TRAPPC10: variants seen among roughly 807,000 people sequenced by gnomAD.
TRAPPC10 encodes the protein trafficking protein particle complex subunit 10, also known as TRAPP 130 kDa subunit.
A neutral mutation model predicts 125.5 loss-of-function variants in TRAPPC10; 23 were observed. The observed-to-expected ratio is 0.18, with a 90% CI of 0.13 to 0.26. The LOEUF is 0.26. TRAPPC10 is among the 10% of genes least tolerant of loss of function. TRAPPC10 has a pLI of 1.00. For synonymous variants in TRAPPC10, 509 were observed against 518.0 expected (o/e 0.98, Z 0.24); for missense variants, 1,123 against 1,308.4 (o/e 0.86, Z 2.19).
intron 3 of TRAPPC10, among the ~76,000 whole-genome samples, chr21:44,041,570 C>T (rs950426450): frequency 1.3e-5 from 2 of 151,722 alleles, no homozygotes; most frequent in Non-Finnish European, 2.9e-5. Context: ...CGGGGTTTCT[C>T]CATGTTGGTC....
intron 6 of TRAPPC10, among the ~76,000 whole-genome samples, chr21:44,061,558 C>T (rs1847035338): frequency 6.6e-6 from 1 of 152,204 alleles, no homozygotes; most frequent in Admixed American, 6.5e-5. Flanking sequence ...TGAGCCACCG[C>T]ACCTGGCCTG....
At chr21:44,091,299 G>A (rs572213566) in intron 18 of TRAPPC10, among the ~76,000 whole-genome samples, 1 of 152,324 alleles carries the variant, frequency 6.6e-6, no homozygotes, top group East Asian at 1.9e-4. Flanking sequence ...GTAATGAGGA[G>A]GGCTGCTGCT....
At position 44,082,847 on chromosome 21, in the gene TRAPPC10, C is replaced by T; in HGVS notation, c.1783C>T (p.Pro595Ser). 1.2e-6 allele frequency: 2 copies of T among 1,614,116 alleles called. 1 individual carries two copies. The highest frequency in any genetic ancestry group is 2.2e-5 in the South Asian group (2 of 91,068). The change falls in exon 14 of 23, where the codon CCC becomes TCC. Residue 595 changes from proline to serine, a missense_variant. Around this residue, in one of 4 missense-constraint regions of TRAPPC10, gnomAD observed 840 missense variants for 902.0 expected, o/e 0.93. Coordinates refer to ENST00000291574, the MANE Select transcript of TRAPPC10 (RefSeq NM_003274.5). This position sits in a 1 kb window ranked among gnomAD's most constrained non-coding sequence, Gnocchi z 4.4. The part of the protein sequence containing the change: ...FAQLRDLHFD[P>S]SNAVVHVGGV... ...ACAACTGCGAGATCTCCATTTTGAT[C>T]CCTCCAATGCCGTGGTCCACGTGGG...
chr21:44,045,911 G>A (rs1246217252), intron 3 of TRAPPC10, among the ~76,000 whole-genome samples: 1 of 151,806 alleles, frequency 6.6e-6, no homozygotes, highest in Non-Finnish European at 1.5e-5. Flanking sequence ...ATGCTTTGGT[G>A]TAGATTTCTT....
intron 3 of TRAPPC10, among the ~76,000 whole-genome samples, chr21:44,047,565 T>TGTGTGTGTGTGCGC (rs954810521): frequency 2.3e-4 from 34 of 147,200 alleles, no homozygotes; most frequent in African/African-American, 8.3e-4. Flanking sequence ...TGTGTGTGTG[T>TGTGTGTGTGTGCGC]GCGCGCACAC....
chr21:44,035,341 G>T (rs774612066), intron 2 of TRAPPC10, among the ~76,000 whole-genome samples: 2 of 152,138 alleles, frequency 1.3e-5, no homozygotes. Context: ...AACTGTGAGC[G>T]CAATAACCTT....
At chr21:44,088,249 C>T (rs1394925637) in intron 17 of TRAPPC10, 9 of 359,946 alleles carry the variant, frequency 2.5e-5, no homozygotes, top group Non-Finnish European at 4.7e-5. Context: ...GGTGACGAGG[C>T]CAGAGGAGGT....
In TRAPPC10 at chr21:44,052,190, G is replaced by A. The variant is rs1015072299; in HGVS notation, c.286-90G>A. On this transcript the variant is annotated intron_variant, in intron 3 of 22. Coordinates refer to ENST00000291574, the MANE Select transcript of TRAPPC10 (RefSeq NM_003274.5). The stretch of plus-strand genomic sequence containing the variant: ...CTGTCCTGATGCTTTAAAACATTGC[G>A]GCCTTTGCAGGCTGTTATTAGGCAC... The A allele has an allele frequency of 1.0e-5, 11 of 1,102,624 alleles. No homozygotes were observed. The Middle Eastern group carries it at 1.0e-3, about 104-fold the overall frequency. The allele number at this position is 1,102,624 out of a possible 1,614,324, so 68.3% of individuals were successfully genotyped here.
chr21:44,062,877 T>G (rs1205493327), intron 6 of TRAPPC10: 1 of 985,336 alleles, frequency 1.0e-6, no homozygotes, highest in African/African-American at 1.7e-5. Context: ...TTCAAAGATT[T>G]TTTTCAATAA....
intron 3 of TRAPPC10, among the ~76,000 whole-genome samples, chr21:44,044,292 T>TC (rs397789678): frequency 2.0e-5 from 3 of 150,002 alleles, no homozygotes; most frequent in East Asian, 1.9e-4. Context: ...GAGACTTTTT[T>TC]CCTTAAAATT....
At chr21:44,090,447 C>T (rs2038496457) in intron 18 of TRAPPC10, among the ~76,000 whole-genome samples, 1 of 152,196 alleles carries the variant, frequency 6.6e-6, no homozygotes, top group South Asian at 2.1e-4. Flanking sequence ...AGCAGCACCC[C>T]AGGCTCTCCC....
At chr21:44,084,595 C>A (rs1257123091) in intron 15 of TRAPPC10, among the ~76,000 whole-genome samples, 2 of 152,130 alleles carry the variant, frequency 1.3e-5, no homozygotes, top group Non-Finnish European at 2.9e-5. Context: ...CAGAGGACTT[C>A]TGGGCCCAAA....
At chr21:44,031,444 A>G (rs1367499283) in intron 1 of TRAPPC10, among the ~76,000 whole-genome samples, 1 of 152,258 alleles carries the variant, frequency 6.6e-6, no homozygotes, top group Non-Finnish European at 1.5e-5. Context: ...CGTGCAGCGT[A>G]AAGTCGGCCG....
In TRAPPC10 at chr21:44,087,931, G is replaced by T; in HGVS notation, c.2769+3G>T. 6.2e-7 allele frequency: 1 copy of T among 1,610,484 alleles called. No homozygotes were observed. The highest frequency in any genetic ancestry group is 2.2e-5 in the East Asian group (1 of 44,738). On this transcript the variant is annotated splice_donor_region_variant and intron_variant, in intron 17 of 22. Coordinates refer to ENST00000291574, the MANE Select transcript of TRAPPC10 (RefSeq NM_003274.5). This position sits in a 1 kb window ranked among gnomAD's most constrained non-coding sequence, Gnocchi z 4.6. ...GCATGGTTACCACAGACCACAAAGTGAGTAGGGACAGTGGAGGAGCTTAGC... is the reference window on the plus strand; with the variant it reads ...GCATGGTTACCACAGACCACAAAGTTAGTAGGGACAGTGGAGGAGCTTAGC...
chr21:44,017,988 G>A (rs1406959614), intron 1 of TRAPPC10, among the ~76,000 whole-genome samples: 1 of 152,098 alleles, frequency 6.6e-6, no homozygotes. Context: ...TGCTGTTAGT[G>A]TTATTAGCCC....
At chr21:44,072,768 C>G (rs1056216363) in intron 7 of TRAPPC10, among the ~76,000 whole-genome samples, 3 of 152,050 alleles carry the variant, frequency 2.0e-5, no homozygotes, top group African/African-American at 7.2e-5. Context: ...CCGGCCTCTC[C>G]TAGGAGGTCT....
rs374596223 is a variant in TRAPPC10, at chr21:44,050,449, G to C, written c.286-1831G>C. Among the ~76,000 whole-genome samples, 35 of 152,328 alleles carry C rather than the reference G, an allele frequency of 2.3e-4. 1 individual carries two copies. The East Asian group carries it at 4.1e-3, about 18-fold the overall frequency. ...AAGGGCTCTTGGTGGCCTTGTAAGA[G>C]GTGGAGAGGCTTCCAGCAGCTCCTT... On this transcript the variant is annotated intron_variant, in intron 3 of 22. Transcript: ENST00000291574.
chr21:44,089,405 T>G, intron 17 of TRAPPC10: 11 of 382,262 alleles, frequency 2.9e-5, no homozygotes, highest in South Asian at 1.9e-4. Flanking sequence ...GCTTAGATAA[T>G]TCATTAACTA....
rs565157396 is a variant in TRAPPC10, at chr21:44,018,826, T to C, written c.67+6266T>C. 1.1e-4 allele frequency among the ~76,000 whole-genome samples: 17 copies of C among 152,318 alleles called. 1 individual carries two copies. The highest frequency in any genetic ancestry group is 1.1e-3 in the Admixed American group (17 of 15,300). ...TGTGGCTCACTCTGGCTGAGTTGGT[T>C]ATCTTTTAATGGAAATACAAATAAC... is the stretch of plus-strand genomic sequence containing the variant. On this transcript the variant is annotated intron_variant, in intron 1 of 22. Coordinates refer to ENST00000291574, the MANE Select transcript of TRAPPC10 (RefSeq NM_003274.5).
Sources: gnomAD v4.1 joint callset for allele counts (sites outside exome capture counted in the v4.1 genomes callset) on GRCh38, gnomAD v4.1.1 for gene constraint, gnomAD v4.1.1 regional missense constraint, Gnocchi (gnomAD v3.1) non-coding constraint, MANE v1.5 for transcripts, NCBI Gene and HGNC (gene_info 2026-07-23, HGNC 2026-07-21) for gene names.